MAP4K4: variants seen among roughly 807,000 people sequenced by gnomAD.
MAP4K4 encodes mitogen-activated protein kinase kinase kinase kinase 4.
A neutral mutation model predicts 189.6 loss-of-function variants in MAP4K4; 38 were observed. The ratio of observed to expected loss-of-function variants is 0.20; its 90% CI spans 0.15 to 0.26. The LOEUF (loss-of-function observed/expected upper bound fraction) is 0.26. MAP4K4 is among the 10% of genes least tolerant of loss of function. The pLI, the probability that MAP4K4 is intolerant of heterozygous loss-of-function variation, is 1.00. For missense variants in MAP4K4, 1,054 were observed against 1,726.9 expected, an observed-to-expected ratio of 0.61 and a Z score of 6.91; for synonymous variants, 610 against 624.3, an observed-to-expected ratio of 0.98 and a Z score of 0.34.
chr2:101,756,755 CAG>C (rs1454307060), intron 2 of MAP4K4, among the ~76,000 whole-genome samples: 4 of 129,554 alleles, frequency 3.1e-5, no homozygotes, highest in Admixed American at 1.7e-4. Context: ...TTTGTAGAAA[CAG>C]GGTCTCAACA....
At position 101,698,546 on chromosome 2, in the gene MAP4K4, T is replaced by TCAC. The variant is rs754769381; in HGVS notation, c.123+8_123+9insCAC. ...TATGGACAAGTCTATAAGGTCGGTG[T>TCAC]GGGCGCCTTCTTTGTTTCCCGTGGC... On this transcript the variant is annotated intron_variant, in intron 2 of 32. Transcript: ENST00000324219. 1.2e-6 allele frequency: 2 copies of TCAC among 1,612,890 alleles called. No individual in the cohort carries two copies. Among genetic ancestry groups the TCAC allele is most frequent in the Non-Finnish European group, 1.7e-6 (2 of 1,179,144 alleles).
At chr2:101,845,117 A>G (rs2097056976) in intron 12 of MAP4K4, among the ~76,000 whole-genome samples, 1 of 151,828 alleles carries the variant, frequency 6.6e-6, no homozygotes, top group Admixed American at 6.6e-5. Context: ...ACACCTTGAT[A>G]TCAGAGTTCC....
chr2:101,828,950 A>G lies in MAP4K4; in HGVS notation c.418-554A>G, dbSNP rs542056469. ...AGGTTTGTTTCCTTGGGAAAGAAAG[A>G]TACTTTATTTGAACACAAGGCTCTT... On this transcript the variant is annotated intron_variant, in intron 5 of 32. Coordinates refer to ENST00000324219, the Ensembl canonical transcript of MAP4K4. 1.4e-4 allele frequency among the ~76,000 whole-genome samples: 21 copies of G among 152,352 alleles called. 1 individual carries two copies. In the South Asian group the frequency reaches 4.1e-3, roughly 30 times the overall value.
intron 3 of MAP4K4, among the ~76,000 whole-genome samples, chr2:101,806,933 C>G (rs180839496): frequency 1.4e-3 from 210 of 152,308 alleles, no homozygotes; most frequent in Non-Finnish European, 2.6e-3. Context: ...TAAAGCAGCA[C>G]ATCTCCCTGG....
chr2:101,789,181 T>C (rs1199874613), intron 2 of MAP4K4, among the ~76,000 whole-genome samples: 1 of 152,228 alleles, frequency 6.6e-6, no homozygotes, highest in Non-Finnish European at 1.5e-5. Context: ...GAAGGTTGGT[T>C]AGTTGCCAAG....
intron 2 of MAP4K4, among the ~76,000 whole-genome samples, chr2:101,741,554 C>G (rs934937868): frequency 2.6e-5 from 4 of 152,240 alleles, no homozygotes; most frequent in South Asian, 2.1e-4. Flanking sequence ...AGATCAAGGA[C>G]ATTTTACTCT....
chr2:101,850,057 C>A (rs553905377), intron 12 of MAP4K4, among the ~76,000 whole-genome samples: 2 of 151,922 alleles, frequency 1.3e-5, no homozygotes, highest in African/African-American at 4.8e-5. Context: ...AAGCCTTTAC[C>A]CCTGGACTCT....
chr2:101,893,322 A>G (rs1258371122), exon 33 of MAP4K4: 1 of 454,576 alleles, frequency 2.2e-6, no homozygotes, highest in African/African-American at 2.0e-5. Context: ...TTTCATTTGT[A>G]TGAGTTTGGA....
intron 2 of MAP4K4, among the ~76,000 whole-genome samples, chr2:101,771,921 T>C (rs1208617441): frequency 1.3e-5 from 2 of 152,204 alleles, no homozygotes; most frequent in East Asian, 1.9e-4. Context: ...TGACTGGTGA[T>C]TGATGATTTG....
intron 27 of MAP4K4, among the ~76,000 whole-genome samples, chr2:101,881,519 CTTT>C (rs1180903893): frequency 6.6e-6 from 1 of 152,038 alleles, no homozygotes; most frequent in Non-Finnish European, 1.5e-5. Flanking sequence ...TTTTATTTCC[CTTT>C]TTTGTCTAAT....
At chr2:101,712,567 T>C (rs1368494127) in intron 2 of MAP4K4, among the ~76,000 whole-genome samples, 2 of 152,086 alleles carry the variant, frequency 1.3e-5, no homozygotes, top group African/African-American at 2.4e-5. Context: ...TAGCATGATC[T>C]TGGCTCACTG....
chr2:101,887,237 T>C (rs2098500507), exon 30 of MAP4K4: 2 of 1,608,562 alleles, frequency 1.2e-6, no homozygotes. Context: ...TACCAACACA[T>C]GTAAGAAAGA....
At chr2:101,765,608 AATCAC>A (rs2078306128) in intron 2 of MAP4K4, among the ~76,000 whole-genome samples, 1 of 152,192 alleles carries the variant, frequency 6.6e-6, no homozygotes, top group African/African-American at 2.4e-5. Flanking sequence ...TACAGGTGTA[AATCAC>A]ACTGCCTGTA....
chr2:101,870,496 G>A (rs1175126452), intron 23 of MAP4K4, 81 bp downstream of exon 23: 1 of 1,555,352 alleles, frequency 6.4e-7, no homozygotes, highest in Non-Finnish European at 8.7e-7. Context: ...CACTCATGCT[G>A]TTTCTCCATC....
At chr2:101,826,557 C>A (rs1249273063) in intron 5 of MAP4K4, among the ~76,000 whole-genome samples, 1 of 152,094 alleles carries the variant, frequency 6.6e-6, no homozygotes. Context: ...CCCTATACTA[C>A]TGTAAAGGAA....
At chr2:101,813,315 A>G (rs1209382568) in intron 3 of MAP4K4, among the ~76,000 whole-genome samples, 1 of 152,194 alleles carries the variant, frequency 6.6e-6, no homozygotes, top group Admixed American at 6.5e-5. Context: ...CAATGTCAGT[A>G]GTAATATGTA....
intron 2 of MAP4K4, among the ~76,000 whole-genome samples, chr2:101,700,462 T>A (rs977022324): frequency 2.0e-5 from 3 of 152,220 alleles, no homozygotes; most frequent in African/African-American, 7.2e-5. Context: ...GGGAATTAAA[T>A]CTGTGCAAAA....
At chr2:101,830,790 C>T (rs1160041683) in intron 6 of MAP4K4, among the ~76,000 whole-genome samples, 1 of 152,196 alleles carries the variant, frequency 6.6e-6, no homozygotes, top group Non-Finnish European at 1.5e-5. Context: ...CATTGCCTTC[C>T]AAGTTGCTGT....
At chr2:101,702,040 A>G (rs185266350) in intron 2 of MAP4K4, among the ~76,000 whole-genome samples, 51 of 152,072 alleles carry the variant, frequency 3.4e-4, no homozygotes, top group African/African-American at 1.2e-3. Context: ...TAATTTTTGT[A>G]TATAGAGATG....
Sources: allele counts gnomAD v4.1 joint callset (sites outside exome capture counted in the v4.1 genomes callset), GRCh38; gene constraint gnomAD v4.1.1; transcripts MANE v1.5; gene names NCBI Gene and HGNC (gene_info 2026-07-23, HGNC 2026-07-21).